Variants in DOCK9 observed in about 807,000 individuals in gnomAD.
The protein encoded by DOCK9 is dedicator of cytokinesis 9, also known as dedicator of cytokinesis protein 9.
A neutral mutation model predicts 263.3 loss-of-function variants in DOCK9; 89 were observed. The ratio of observed to expected loss-of-function variants is 0.34; its 90% CI spans 0.28 to 0.40. The LOEUF (loss-of-function observed/expected upper bound fraction) is 0.40. Ranked by LOEUF, DOCK9 falls within the 10% of genes least tolerant of loss-of-function variation. The pLI is 1.00. For synonymous variants in DOCK9, 976 were observed against 973.1 expected, an observed-to-expected ratio of 1.00 and a Z score of -0.06; for missense variants, 2,140 against 2,603.4, an observed-to-expected ratio of 0.82 and a Z score of 3.87.
chr13:98,919,757 T>C (rs776322574), intron 7 of DOCK9, among the ~76,000 whole-genome samples: 26 of 152,258 alleles, frequency 1.7e-4, no homozygotes, highest in African/African-American at 6.3e-4. Flanking sequence ...CTTTATCTCA[T>C]GTGCACTGTG....
At chr13:98,827,321 G>C (rs1566622434) in intron 43 of DOCK9, among the ~76,000 whole-genome samples, 1 of 152,106 alleles carries the variant, frequency 6.6e-6, no homozygotes, top group Non-Finnish European at 1.5e-5. Context: ...TAAAAATTAA[G>C]AGCAAGTTAT....
At chr13:98,876,039 A>C (rs1056389933) in intron 27 of DOCK9, among the ~76,000 whole-genome samples, 1 of 152,202 alleles carries the variant, frequency 6.6e-6, no homozygotes, top group Non-Finnish European at 1.5e-5. Flanking sequence ...AATGACATAA[A>C]TTGTACACTG....
chr13:98,901,413 G>A (rs940499248), intron 13 of DOCK9, among the ~76,000 whole-genome samples: 5 of 152,172 alleles, frequency 3.3e-5, no homozygotes, highest in African/African-American at 1.2e-4. Flanking sequence ...TCATATATAA[G>A]TGTAAGTGGA....
intron 43 of DOCK9, among the ~76,000 whole-genome samples, chr13:98,828,036 T>C (rs1057493635): frequency 2.6e-5 from 4 of 152,040 alleles, no homozygotes; most frequent in African/African-American, 7.3e-5. Flanking sequence ...ACTGGTGTCA[T>C]AGACATATGG....
intron 1 of DOCK9, among the ~76,000 whole-genome samples, chr13:99,074,294 C>T (rs569890012): frequency 7.9e-5 from 12 of 152,358 alleles, no homozygotes; most frequent in Non-Finnish European, 1.5e-4. Flanking sequence ...CATGACTTCT[C>T]TCTGTTTCCT....
At chr13:99,062,479 C>A (rs2041234078) in intron 1 of DOCK9, among the ~76,000 whole-genome samples, 1 of 152,254 alleles carries the variant, frequency 6.6e-6, no homozygotes, top group East Asian at 1.9e-4. Flanking sequence ...ACACTTATGA[C>A]CTCCTTGATA....
At chr13:98,985,834 C>A (rs564346410) in intron 1 of DOCK9, among the ~76,000 whole-genome samples, 1 of 152,198 alleles carries the variant, frequency 6.6e-6, no homozygotes, top group Admixed American at 6.5e-5. Flanking sequence ...TATCCCCCTA[C>A]CCCACCCCAC....
chr13:98,975,109 C>A (rs2060108164), intron 1 of DOCK9, among the ~76,000 whole-genome samples: 1 of 152,192 alleles, frequency 6.6e-6, no homozygotes, highest in Non-Finnish European at 1.5e-5. Context: ...AGGCCAGGTG[C>A]AGTGGCTCAC....
chr13:99,043,833 G>C (rs1362573748), intron 1 of DOCK9, among the ~76,000 whole-genome samples: 1 of 152,102 alleles, frequency 6.6e-6, no homozygotes, highest in East Asian at 1.9e-4. Context: ...GCCAGCTTCA[G>C]TGTTTGCTTG....
At chr13:98,831,954 G>C (rs2092780884) in intron 39 of DOCK9, 168 bp from the exon 40 acceptor site, 6 of 776,506 alleles carry the variant, frequency 7.7e-6, no homozygotes, top group South Asian at 2.2e-5. Context: ...TGTAGAACAA[G>C]CAAATCTATC....
Position 98,860,514 on chromosome 13 carries a change from C to T in DOCK9, c.3588G>A (p.Lys1196=). 1 of 1,567,004 alleles carries T rather than the reference C, an allele frequency of 6.4e-7. No homozygotes were observed. The highest frequency in any genetic ancestry group is 1.4e-5 in the African/African-American group (1 of 74,046). ...PFPVNAGMTV[K]DESLALPAVN... is the part of the protein sequence containing the mutation. Reference sequence around the variant, plus strand: ...CAGCTGGTAGAGCCAGGGATTCATCCTTCACAGTCTGTCAAGGAGAGGAAA... The same window carrying T: ...CAGCTGGTAGAGCCAGGGATTCATCTTTCACAGTCTGTCAAGGAGAGGAAA... Residue 1196 remains lysine, a synonymous_variant, in exon 33 of 53, where the codon AAG becomes AAA. Coordinates refer to ENST00000682017, the MANE Select transcript of DOCK9 (RefSeq NM_001366683.2).
chr13:98,875,341 G>C (rs1486700244), intron 27 of DOCK9, among the ~76,000 whole-genome samples: 1 of 151,980 alleles, frequency 6.6e-6, no homozygotes, highest in African/African-American at 2.4e-5. Context: ...TACAAATTTG[G>C]TTAAGGGGAA....
At chr13:98,939,023 C>T (rs2055370619) in intron 2 of DOCK9, among the ~76,000 whole-genome samples, 1 of 152,184 alleles carries the variant, frequency 6.6e-6, no homozygotes, top group South Asian at 2.1e-4. Flanking sequence ...AAACAAACAC[C>T]AGGGACAGCC....
At chr13:99,026,675 C>A (rs1381816012) in intron 1 of DOCK9, among the ~76,000 whole-genome samples, 3 of 152,114 alleles carry the variant, frequency 2.0e-5, no homozygotes, top group Non-Finnish European at 4.4e-5. Context: ...AAATTTTCAT[C>A]TCTGCTTTAA....
chr13:98,805,237 T>C (rs750037587), intron 48 of DOCK9, 28 bp from the exon 49 acceptor site: 2 of 1,544,342 alleles, frequency 1.3e-6, no homozygotes, highest in East Asian at 2.3e-5. Flanking sequence ...CAATGGGAGA[T>C]TGGTGCTCCA....
intron 7 of DOCK9, 106 bp from the exon 8 acceptor site, chr13:98,915,609 C>A: frequency 8.7e-7 from 1 of 1,144,466 alleles, no homozygotes; most frequent in Admixed American, 3.0e-5. Flanking sequence ...CATTTAGAAC[C>A]AAGCTATTTT....
Position 98,956,865 on chromosome 13 carries a change from G to C in DOCK9, c.127-1314C>G, listed in dbSNP as rs1399325674. 2.6e-5 allele frequency among the ~76,000 whole-genome samples: 4 copies of C among 152,090 alleles called. No homozygotes were observed. In the East Asian group the frequency reaches 7.7e-4, roughly 29 times the overall value. On this transcript the variant is annotated intron_variant, in intron 1 of 52. Coordinates refer to ENST00000682017, the MANE Select transcript of DOCK9 (RefSeq NM_001366683.2). ...CAATAAATGCTTTATATATTAAAATGACAATTTTTATATAAGAAGTATATT... is the reference window on the plus strand; with the variant it reads ...CAATAAATGCTTTATATATTAAAATCACAATTTTTATATAAGAAGTATATT...
chr13:98,849,385 A>G (rs1277760482), intron 36 of DOCK9, among the ~76,000 whole-genome samples: 1 of 152,080 alleles, frequency 6.6e-6, no homozygotes, highest in Admixed American at 6.5e-5. Flanking sequence ...AGCTACTTTT[A>G]GTTATGATTT....
At chr13:99,046,082 C>CA (rs1888978054) in intron 1 of DOCK9, among the ~76,000 whole-genome samples, 1 of 144,064 alleles carries the variant, frequency 6.9e-6, no homozygotes, top group South Asian at 2.2e-4. Flanking sequence ...GCCTGGGTGA[C>CA]AGAGTGAGAC....
Sources: allele counts gnomAD v4.1 joint callset (sites outside exome capture counted in the v4.1 genomes callset), GRCh38; gene constraint gnomAD v4.1.1; transcripts MANE v1.5; gene names NCBI Gene and HGNC (gene_info 2026-07-23, HGNC 2026-07-21).